GLI1: variants seen among roughly 807,000 people sequenced by gnomAD.
GLI1 encodes transcription activator GLI1.
Under a neutral mutation model 87.8 loss-of-function variants are expected in GLI1, and 51 were observed. That is an observed-to-expected ratio of 0.58 (90% CI 0.46 to 0.73). The LOEUF (loss-of-function observed/expected upper bound fraction) is 0.73, where lower values mean the gene tolerates loss of function less well. GLI1 is among the 30% of genes least tolerant of loss of function. GLI1 has a pLI of 0.00. For synonymous variants in GLI1, 528 were observed against 558.2 expected, an observed-to-expected ratio of 0.95 and a Z score of 0.76; for missense variants, 1,292 against 1,437.2, an observed-to-expected ratio of 0.90 and a Z score of 1.63.
In GLI1 at chr12:57,464,688, C is replaced by T; in HGVS notation, c.209C>T (p.Ser70Phe). The change falls in exon 4 of 12, where the codon TCT (serine) becomes TTT (phenylalanine). Residue 70 changes from serine (S) to phenylalanine (F), a missense_variant. Coordinates refer to ENST00000228682, the MANE Select transcript of GLI1 (RefSeq NM_005269.3). The part of the protein sequence containing the change: ...NSCTEGPLFS[S>F]PRSAVKLTKK... ...CCTGCCCCAGGCCCACTCTTTTCTT[C>T]TCCCCGGAGTGCAGTCAAGTTGACC... The T allele has an allele frequency of 6.2e-7, 1 of 1,613,880 alleles. No individual in the cohort carries two copies. Among genetic ancestry groups the T allele is most frequent in the Non-Finnish European group, 8.5e-7 (1 of 1,179,766 alleles).
At chr12:57,468,481 T>C (rs535730301) in intron 10 of GLI1, among the ~76,000 whole-genome samples, 29 of 151,602 alleles carry the variant, frequency 1.9e-4, no homozygotes, top group African/African-American at 5.6e-4. Flanking sequence ...CTTTCTTTCT[T>C]TCTCTCTCTC....
intron 6 of GLI1, 34 bp downstream of exon 6, chr12:57,465,730 C>G (rs1174244002): frequency 6.2e-7 from 1 of 1,613,512 alleles, no homozygotes; most frequent in Admixed American, 1.7e-5. Context: ...ACCTCTGGGA[C>G]CTGAGCAAAA....
chr12:57,469,719 G>C (rs1243665623), intron 11 of GLI1, 21 bp downstream of exon 11: 1 of 1,608,922 alleles, frequency 6.2e-7, no homozygotes, highest in Non-Finnish European at 8.5e-7. Context: ...GGTGTGGGAG[G>C]TGTGGCTGGG....
In GLI1 at chr12:57,469,639, T is replaced by A. The variant is rs753690500; in HGVS notation, c.1517T>A (p.Leu506Gln). The change falls in exon 11 of 12, where the codon CTA (leucine) becomes CAA (glutamine). Residue 506 changes from leucine (L) to glutamine (Q), a missense_variant. By Grantham distance (113) the Leu-to-Gln change is moderately radical (BLOSUM62 -2). This residue lies in a region of GLI1 where 897 missense variants were observed against 1,040.7 expected (regional missense o/e 0.86). Coordinates refer to ENST00000228682, the MANE Select transcript of GLI1 (RefSeq NM_005269.3). ...CTTGAGAACCTCAGGCTGGACCAGC[T>A]ACATCAACTCCGGCCAATAGGGACC... ...RRLENLRLDQ[L>Q]HQLRPIGTRG... 1.1e-4 allele frequency: 178 copies of A among 1,614,062 alleles called. 2 individuals are homozygous for A. In the South Asian group the frequency reaches 1.6e-3, roughly 14 times the overall value.
In GLI1 at chr12:57,466,293, G is replaced by C. The variant is rs547877619; in HGVS notation, c.816G>C (p.Trp272Cys). The change falls in exon 8 of 12, where the codon TGG becomes TGC. Residue 272 changes from tryptophan to cysteine, a missense_variant. Trp to Cys is a radical substitution (Grantham distance 215). Around this residue, in one of 3 missense-constraint regions of GLI1, gnomAD observed 383 missense variants for 368.4 expected, o/e 1.04. Transcript: ENST00000228682. ...AGCGGAAGGAGTTCGTGTGCCACTGGGGGGGCTGCTCCAGGGAGCTGAGGC... is the reference window on the plus strand; with the variant it reads ...AGCGGAAGGAGTTCGTGTGCCACTGCGGGGGCTGCTCCAGGGAGCTGAGGC... ...HGERKEFVCH[W>C]GGCSRELRPF... 24 of 1,613,908 alleles carry C rather than the reference G, an allele frequency of 1.5e-5. No homozygotes were observed. The highest frequency in any genetic ancestry group is 1.9e-5 in the Non-Finnish European group (22 of 1,179,974).
chr12:57,469,326 C>A, intron 10 of GLI1, 105 bp from the exon 11 acceptor site: 2 of 1,165,952 alleles, frequency 1.7e-6, no homozygotes, highest in African/African-American at 1.5e-5. Context: ...CACTTACAAG[C>A]TTCCTTGGAA....
At chr12:57,466,461 C>A in intron 8 of GLI1, 72 bp downstream of exon 8, 4 of 1,181,818 alleles carry the variant, frequency 3.4e-6, no homozygotes, top group Non-Finnish European at 3.6e-6. Context: ...GGGCCCAAGG[C>A]AGACTTTTGC....
Position 57,471,908 on chromosome 12 carries a change from C to A in GLI1, c.3168C>A (p.Pro1056=). 1 of 1,611,620 alleles carries A rather than the reference C, an allele frequency of 6.2e-7. No homozygotes were observed. Among genetic ancestry groups the A allele is most frequent in the Non-Finnish European group, 8.5e-7 (1 of 1,178,688 alleles). ...QLDFVAILDE[P]QGLSPPPSHD... is the part of the protein sequence containing the mutation. ...ACTTTGTGGCTATTCTGGATGAGCC[C>A]CAGGGGCTGAGTCCTCCTCCTTCCC... Residue 1056 remains proline (P), a synonymous_variant, in exon 12 of 12, where the codon CCC becomes CCA. Coordinates refer to ENST00000228682, the MANE Select transcript of GLI1 (RefSeq NM_005269.3). The surrounding 1 kb of genome is among the most constrained non-coding windows in gnomAD (Gnocchi z 4.9).
intron 7 of GLI1, 80 bp from the exon 8 acceptor site, chr12:57,466,160 A>G (rs1260776475): frequency 4.2e-6 from 6 of 1,433,146 alleles, no homozygotes; most frequent in Non-Finnish European, 5.7e-6. Context: ...TGGAAGAGGA[A>G]CAGGGGGTGG....
rs1215408212 is a variant in GLI1, at chr12:57,459,833, T to TG, written c.-391dup. 2.1e-5 allele frequency among the ~76,000 whole-genome samples: 3 copies of TG among 146,196 alleles called. No homozygotes were observed. The highest frequency in any genetic ancestry group is 4.5e-5 in the Non-Finnish European group (3 of 66,320). ...GGGAGGGGGAGGATCCTGGGGGTCC[T>TG]GGGGGTGCAATAAGCCCGGCACCCC... On this transcript the variant is annotated 5_prime_UTR_variant, in exon 1 of 12. Coordinates refer to ENST00000228682, the MANE Select transcript of GLI1 (RefSeq NM_005269.3).
chr12:57,461,375 A>G (rs1871129146), intron 1 of GLI1, among the ~76,000 whole-genome samples: 1 of 151,650 alleles, frequency 6.6e-6, no homozygotes, highest in African/African-American at 2.4e-5. Context: ...TGACGTCACC[A>G]GGGGGTTCCC....
At chr12:57,464,929 C>G in intron 4 of GLI1, 61 bp downstream of exon 4, 1 of 1,384,086 alleles carries the variant, frequency 7.2e-7, no homozygotes, top group Non-Finnish European at 1.0e-6. Context: ...TTAAAAGTCT[C>G]AAGCCCTCAA....
Position 57,465,631 on chromosome 12 carries a change from GT to G in GLI1, c.561del (p.Gly188AlafsTer92). 10 of 1,614,116 alleles carry G rather than the reference GT, an allele frequency of 6.2e-6. No homozygotes were observed. The highest frequency in any genetic ancestry group is 7.6e-6 in the Non-Finnish European group (9 of 1,179,958). On this transcript the variant is annotated frameshift_variant, in exon 6 of 12. Coordinates refer to ENST00000228682, the MANE Select transcript of GLI1 (RefSeq NM_005269.3). LOFTEE classifies it high-confidence loss of function. ...CQLKSELDML[V>X]GKCREEPLEG... Reference sequence around the variant, plus strand: ...GCTGAAGTCTGAGCTGGACATGCTGGTTGGCAAGTGCCGGGAGGAACCCTTG... The same window carrying G: ...GCTGAAGTCTGAGCTGGACATGCTGGTGGCAAGTGCCGGGAGGAACCCTTG...
rs1170934694 is a variant in GLI1 at position 57,472,183 on chromosome 12, G to A, written c.*122G>A. ...CCCAGGGATGGGAGGTATGGGCTGG[G>A]GGCTATGTATAGTCTGTATACGTTT... On this transcript the variant is annotated 3_prime_UTR_variant, in exon 12 of 12. Coordinates refer to ENST00000228682, the MANE Select transcript of GLI1 (RefSeq NM_005269.3). 1 of 669,168 alleles carries A rather than the reference G, an allele frequency of 1.5e-6. No homozygotes were observed. Among genetic ancestry groups the A allele is most frequent in the Non-Finnish European group, 2.4e-6 (1 of 413,868 alleles). The allele number at this position is 669,168 out of a possible 1,614,324, so 41.5% of individuals were successfully genotyped here. A position where few individuals can be genotyped will look rare whatever the true frequency, so the allele number is the denominator to read the frequency against.
At chr12:57,470,115 C>T (rs933785393) in intron 11 of GLI1, among the ~76,000 whole-genome samples, 3 of 152,198 alleles carry the variant, frequency 2.0e-5, no homozygotes, top group Non-Finnish European at 4.4e-5. Context: ...CAGCACACAA[C>T]CTGCACAACT....
At chr12:57,460,491 G>C (rs1426022466) in intron 1 of GLI1, 1 of 152,366 alleles carries the variant, frequency 6.6e-6, no homozygotes, top group African/African-American at 2.4e-5. Context: ...ACTTTCATGC[G>C]GTTAAGTTTA....
In GLI1 at chr12:57,472,099, T is replaced by C. The variant is rs1040351455; in HGVS notation, c.*38T>C. The stretch of plus-strand genomic sequence containing the variant: ...CTCATCCATCACAGATCGCATTTCC[T>C]AAGGGGTTTCTATCCTTCCAGAAAA... On this transcript the variant is annotated 3_prime_UTR_variant, in exon 12 of 12. Transcript: ENST00000228682. 21 of 1,383,318 alleles carry C rather than the reference T, an allele frequency of 1.5e-5. No individual in the cohort carries two copies. The highest frequency in any genetic ancestry group is 2.0e-4 in the Middle Eastern group (1 of 5,118). 85.7% of individuals were successfully genotyped at this position (1,383,318 alleles called of 1,614,324 possible).
In GLI1 at chr12:57,469,462, CCTG is replaced by C; in HGVS notation, c.1342_1344del (p.Cys448del). ...CAGCCAAGCCCTGGGGCCCAGTCAT[CCTG>C]CAGCAGTGACCACTCCCCGGCAGGG... On this transcript the variant is annotated inframe_deletion, in exon 11 of 12. Transcript: ENST00000228682. 1.9e-6 allele frequency: 3 copies of C among 1,614,086 alleles called. No homozygotes were observed. The highest frequency in any genetic ancestry group is 2.5e-6 in the Non-Finnish European group (3 of 1,180,022).
rs552991299 is a variant in GLI1, at chr12:57,466,200, A to ATGGGAGAGCC, written c.763-38_763-29dup. On this transcript the variant is annotated intron_variant, in intron 7 of 11. Transcript: ENST00000228682. The stretch of plus-strand genomic sequence containing the variant: ...AAGGTCTGTTCTGGACCTCAGGGTC[A>ATGGGAGAGCC]TGGGAGAGCCTTGGAGAGCCTTTGT... The ATGGGAGAGCC allele has an allele frequency of 1.8e-4, 292 of 1,590,258 alleles. 2 individuals are homozygous for ATGGGAGAGCC. The East Asian group carries it at 6.4e-3, about 35-fold the overall frequency.
Sources: gnomAD v4.1 joint callset for allele counts (sites outside exome capture counted in the v4.1 genomes callset) on GRCh38, gnomAD v4.1.1 for gene constraint, gnomAD v4.1.1 regional missense constraint, Gnocchi (gnomAD v3.1) non-coding constraint, MANE v1.5 for transcripts, NCBI Gene and HGNC (gene_info 2026-07-23, HGNC 2026-07-21) for gene names.